WWOX: variants seen among roughly 807,000 people sequenced by gnomAD.
WWOX encodes the protein WW domain-containing oxidoreductase.
In WWOX, 69 loss-of-function variants were observed where a neutral mutation model predicts 46.2. The observed-to-expected ratio is 1.49, with a 90% CI of 1.23 to 1.82. The LOEUF is 1.82. WWOX is among the 40% of genes most tolerant of loss of function. WWOX has a pLI of 0.00. For missense variants in WWOX, 919 were observed against 542.6 expected (o/e 1.69, Z -6.89); for synonymous variants, 359 against 202.6 (o/e 1.77, Z -6.56).
intron 8 of WWOX, among the ~76,000 whole-genome samples, chr16:78,928,313 C>A (rs1296805939): frequency 6.6e-6 from 1 of 151,326 alleles, no homozygotes; most frequent in Non-Finnish European, 1.5e-5. Context: ...CGCCATTCTC[C>A]TGCCTCAGCC....
chr16:78,979,689 G>T (rs1205582173), intron 8 of WWOX, among the ~76,000 whole-genome samples: 1 of 152,126 alleles, frequency 6.6e-6, no homozygotes, highest in Non-Finnish European at 1.5e-5. Flanking sequence ...CAGAGCCTGT[G>T]TAGCCGTCCA....
At chr16:78,225,452 TTC>T (rs2037019021) in intron 5 of WWOX, among the ~76,000 whole-genome samples, 1 of 152,230 alleles carries the variant, frequency 6.6e-6, no homozygotes, top group African/African-American at 2.4e-5. Flanking sequence ...TTAATTTTAA[TTC>T]TATTGCAACC....
intron 8 of WWOX, among the ~76,000 whole-genome samples, chr16:78,536,277 G>T (rs2043757247): frequency 6.6e-6 from 1 of 152,030 alleles, no homozygotes; most frequent in African/African-American, 2.4e-5. Context: ...TTAACCAAAG[G>T]TTGATTGGAG....
intron 3 of WWOX, among the ~76,000 whole-genome samples, chr16:78,113,205 A>G (rs1024234413): frequency 3.9e-5 from 6 of 152,184 alleles, no homozygotes; most frequent in African/African-American, 4.8e-5. Context: ...CCCCCACCCC[A>G]GACCTACTGA....
intron 8 of WWOX, among the ~76,000 whole-genome samples, chr16:79,126,746 G>T (rs1378154400): frequency 6.6e-6 from 1 of 152,158 alleles, no homozygotes; most frequent in Non-Finnish European, 1.5e-5. Flanking sequence ...GGACCCTGAA[G>T]GTTAGACTAA....
chr16:78,547,127 G>GGAAA (rs2044052706), intron 8 of WWOX, among the ~76,000 whole-genome samples: 3 of 87,516 alleles, frequency 3.4e-5, no homozygotes, highest in South Asian at 8.5e-4. Context: ...CCTTGTCTCA[G>GGAAA]AAAAAAAAAA....
At chr16:79,132,343 G>A (rs1258095696) in intron 8 of WWOX, among the ~76,000 whole-genome samples, 1 of 152,138 alleles carries the variant, frequency 6.6e-6, no homozygotes, top group Non-Finnish European at 1.5e-5. Context: ...CCCAGTATTG[G>A]GACTTCCGGT....
intron 8 of WWOX, among the ~76,000 whole-genome samples, chr16:78,961,881 C>A (rs1229886303): frequency 1.3e-5 from 2 of 152,126 alleles, no homozygotes; most frequent in Admixed American, 6.6e-5. Flanking sequence ...TCTGTGGTTC[C>A]ACATTGACTG....
intron 8 of WWOX, among the ~76,000 whole-genome samples, chr16:78,779,884 C>G (rs1244000524): frequency 6.6e-6 from 1 of 152,154 alleles, no homozygotes; most frequent in African/African-American, 2.4e-5. Context: ...TTTCTGCCAC[C>G]TCTACTCTTC....
intron 8 of WWOX, among the ~76,000 whole-genome samples, chr16:78,631,967 A>G (rs528793826): frequency 6.8e-6 from 1 of 146,970 alleles, no homozygotes; most frequent in South Asian, 2.2e-4. Context: ...ATTTTTTTTT[A>G]AGTCTGCTTA....
rs578224566 is a variant in WWOX, at chr16:78,829,919, T to C, written c.1057-381689T>C. Among the ~76,000 whole-genome samples, 192 of 152,242 alleles carry C rather than the reference T, an allele frequency of 1.3e-3. No individual in the cohort carries two copies. The Middle Eastern group carries it at 0.014, about 11-fold the overall frequency. Reference sequence around the variant, plus strand: ...CCTCTTCTAAATACCATCTGACATATACATTCAGCAGAGGAAAAATGATGT... The same window carrying C: ...CCTCTTCTAAATACCATCTGACATACACATTCAGCAGAGGAAAAATGATGT... On this transcript the variant is annotated intron_variant, in intron 8 of 8. Transcript: ENST00000566780.
intron 8 of WWOX, among the ~76,000 whole-genome samples, chr16:79,122,738 A>G (rs1311873765): frequency 4.6e-5 from 7 of 152,212 alleles, no homozygotes. Flanking sequence ...GCTAAGCTGA[A>G]TGGTGAAAGG....
intron 8 of WWOX, among the ~76,000 whole-genome samples, chr16:78,676,451 A>G (rs982348920): frequency 1.4e-5 from 2 of 147,388 alleles, no homozygotes; most frequent in Admixed American, 1.4e-4. Context: ...CAGAAATTGG[A>G]TCACTTACCT....
chr16:78,443,901 A>G (rs1449716202), intron 8 of WWOX, among the ~76,000 whole-genome samples: 1 of 152,084 alleles, frequency 6.6e-6, no homozygotes, highest in Non-Finnish European at 1.5e-5. Flanking sequence ...AACGCAGTTT[A>G]GATATTGGAG....
chr16:78,331,919 C>T (rs976339149), intron 5 of WWOX, among the ~76,000 whole-genome samples: 1 of 152,172 alleles, frequency 6.6e-6, no homozygotes, highest in Non-Finnish European at 1.5e-5. Context: ...ATGCAATGTG[C>T]CAACAGGGAG....
At chr16:79,159,450 T>C (rs2050443071) in intron 8 of WWOX, among the ~76,000 whole-genome samples, 1 of 152,230 alleles carries the variant, frequency 6.6e-6, no homozygotes, top group African/African-American at 2.4e-5. Context: ...TCCTGGCATC[T>C]CGAATGAGCT....
chr16:78,181,165 G>T (rs377357287), intron 5 of WWOX, among the ~76,000 whole-genome samples: 13 of 152,100 alleles, frequency 8.5e-5, no homozygotes, highest in African/African-American at 2.9e-4. Context: ...CGAAGGGGAG[G>T]TGGAGACACG....
At chr16:78,517,855 ATTTT>A (rs11342538) in intron 8 of WWOX, among the ~76,000 whole-genome samples, 1,625 of 86,398 alleles carry the variant, frequency 0.019, 38 homozygotes, top group African/African-American at 0.061. Flanking sequence ...TACACAACCT[ATTTT>A]TTTTTTTTTT....
intron 1 of WWOX, among the ~76,000 whole-genome samples, chr16:78,104,360 T>TACACACAC (rs35617570): frequency 6.8e-6 from 1 of 147,764 alleles, no homozygotes; most frequent in East Asian, 2.0e-4. Context: ...TGCACGCACA[T>TACACACAC]ACACACACAC....
Sources: allele counts gnomAD v4.1 joint callset (sites outside exome capture counted in the v4.1 genomes callset), GRCh38; gene constraint gnomAD v4.1.1; transcripts MANE v1.5; gene names NCBI Gene and HGNC (gene_info 2026-07-23, HGNC 2026-07-21).